EP400: variants seen among roughly 807,000 people sequenced by gnomAD.
The protein encoded by EP400 is E1A-binding protein p400.
Under a neutral mutation model 354.1 loss-of-function variants are expected in EP400, and 105 were observed. The ratio of observed to expected loss-of-function variants is 0.30; its 90% CI spans 0.25 to 0.35. EP400 has a LOEUF of 0.35. Among genes scored for constraint, EP400 ranks in the 10% least tolerant of loss-of-function variants. EP400 has a pLI of 1.00. For synonymous variants in EP400, 1,646 were observed against 1,716.9 expected (o/e 0.96, Z 1.02); for missense variants, 3,280 against 4,121.0 (o/e 0.80, Z 5.59).
In EP400 at chr12:132,013,912, G is replaced by C; in HGVS notation, c.3922G>C (p.Gly1308Arg). 1.2e-6 allele frequency: 2 copies of C among 1,614,168 alleles called. No individual in the cohort carries two copies. Among genetic ancestry groups the C allele is most frequent in the Non-Finnish European group, 1.7e-6 (2 of 1,179,982 alleles). ...ALYEDVILQP[G>R]TQEALKSGHF... ...ATACGAGGACGTTATCCTGCAACCTGGGTGAGTGTGGGCTCTGGGCATGTG... is the reference window on the plus strand; with the variant it reads ...ATACGAGGACGTTATCCTGCAACCTCGGTGAGTGTGGGCTCTGGGCATGTG... The change falls in exon 19 of 53, where the codon GGC (glycine) becomes CGC (arginine). Residue 1308 changes from glycine (G) to arginine (R), a missense_variant and splice_region_variant. Physicochemically the swap from Gly to Arg is moderately radical, Grantham distance 125. Transcript: ENST00000389561. This position sits in a 1 kb window ranked among gnomAD's most constrained non-coding sequence, Gnocchi z 4.5.
At position 132,032,162 on chromosome 12, in the gene EP400, G is replaced by A. The variant is rs919539075; in HGVS notation, c.5951+13G>A. 3 of 1,607,548 alleles carry A rather than the reference G, an allele frequency of 1.9e-6. No homozygotes were observed. Among genetic ancestry groups the A allele is most frequent in the Non-Finnish European group, 2.6e-6 (3 of 1,175,838 alleles). The stretch of plus-strand genomic sequence containing the variant: ...TCCACATATACAGGTGAGGGCCTGC[G>A]GGGGATAGGATCAGGAGATGCAAAG... On this transcript the variant is annotated intron_variant, in intron 30 of 52. Transcript: ENST00000389561.
In EP400 at chr12:132,027,831, T is replaced by G. The variant is rs902337569; in HGVS notation, c.5110-186T>G. Among the ~76,000 whole-genome samples the G allele has an allele frequency of 1.3e-5, 2 of 152,198 alleles. No individual in the cohort carries two copies. Among genetic ancestry groups the G allele is most frequent in the African/African-American group, 4.8e-5 (2 of 41,446 alleles). On this transcript the variant is annotated intron_variant, in intron 26 of 52. Transcript: ENST00000389561. The surrounding 1 kb of genome is among the most constrained non-coding windows in gnomAD (Gnocchi z 4.9). ...GAAGAGAACGCTTGTGCTCTCGGCT[T>G]CATTTCCATCTCTATTTCCTGTAGC...
chr12:132,034,522 G>A (rs1335234791), intron 30 of EP400, among the ~76,000 whole-genome samples: 2 of 152,376 alleles, frequency 1.3e-5, no homozygotes, highest in South Asian at 2.1e-4. Context: ...TGGACGTCCT[G>A]ATGAAGGCCG....
At chr12:131,992,904 T>A (rs1893087289) in intron 11 of EP400, among the ~76,000 whole-genome samples, 1 of 152,250 alleles carries the variant, frequency 6.6e-6, no homozygotes, top group Non-Finnish European at 1.5e-5. Flanking sequence ...TGGTGAAGTG[T>A]GTTAACTTTT....
intron 45 of EP400, among the ~76,000 whole-genome samples, chr12:132,059,765 C>T (rs1303195990): frequency 6.6e-6 from 1 of 152,024 alleles, no homozygotes. Context: ...CCTGTAATCC[C>T]AGCATCTTGG....
Position 131,994,735 on chromosome 12 carries a change from A to G in EP400, c.2738-132A>G. 6.2e-6 allele frequency: 4 copies of G among 647,484 alleles called. No individual in the cohort carries two copies. In the South Asian group the frequency reaches 8.8e-5, roughly 14 times the overall value. 40.1% of individuals were successfully genotyped at this position (647,484 alleles called of 1,614,324 possible). On this transcript the variant is annotated intron_variant, in intron 11 of 52. Transcript: ENST00000389561. The surrounding 1 kb of genome is among the most constrained non-coding windows in gnomAD (Gnocchi z 4.6). ...TGCCCATTTAATTAAATTTAACCTG[A>G]GAAGTTTAAAAGCTCAGTTTCAATT...
intron 23 of EP400, 151 bp downstream of exon 23, chr12:132,021,472 C>T (rs1176794277): frequency 3.3e-6 from 4 of 1,211,020 alleles, no homozygotes; most frequent in Non-Finnish European, 4.4e-6. Flanking sequence ...GTGCAGCTGC[C>T]TCCGGCATGA....
chr12:131,986,172 T>G lies in EP400; in HGVS notation c.1930-342T>G, dbSNP rs754869467. Among the ~76,000 whole-genome samples, 4 of 151,862 alleles carry G rather than the reference T, an allele frequency of 2.6e-5. No individual in the cohort carries two copies. The South Asian group carries it at 6.2e-4, about 24-fold the overall frequency. On this transcript the variant is annotated intron_variant, in intron 5 of 52. Coordinates refer to ENST00000389561, the MANE Select transcript of EP400 (RefSeq NM_015409.5). Reference sequence around the variant, plus strand: ...AAATTTTTTTGTAGAGATGGGGTCTTTCTTTGTCAAAGCCCAGGCTCATCT... The same window carrying G: ...AAATTTTTTTGTAGAGATGGGGTCTGTCTTTGTCAAAGCCCAGGCTCATCT...
At chr12:131,970,745 A>G (rs1040289884) in intron 2 of EP400, among the ~76,000 whole-genome samples, 1 of 152,212 alleles carries the variant, frequency 6.6e-6, no homozygotes, top group African/African-American at 2.4e-5. Flanking sequence ...TTATTGAGAT[A>G]TAATTGGCAA....
rs566611602 is a variant in EP400, at chr12:132,044,227, C to G, written c.6501C>G (p.Thr2167=). Residue 2167 remains threonine, a synonymous_variant, in exon 35 of 53, where the codon ACC becomes ACG. Transcript: ENST00000389561. The part of the protein sequence containing the change: ...VRAWEFWNLK[T]LQEREARLRL... ...CATGGGAGTTCTGGAACCTGAAGACCCTGCAGGAGAGGGAGGCCCGGCTGC... is the reference window on the plus strand; with the variant it reads ...CATGGGAGTTCTGGAACCTGAAGACGCTGCAGGAGAGGGAGGCCCGGCTGC... The G allele has an allele frequency of 1.2e-6, 2 of 1,614,202 alleles. No individual in the cohort carries two copies. The highest frequency in any genetic ancestry group is 1.7e-6 in the Non-Finnish European group (2 of 1,180,034).
At chr12:132,071,190 G>T (rs1428754939) in intron 51 of EP400, among the ~76,000 whole-genome samples, 1 of 151,540 alleles carries the variant, frequency 6.6e-6, no homozygotes, top group Non-Finnish European at 1.5e-5. Context: ...TCTTTGTTAC[G>T]GTGCTTTTTG....
intron 12 of EP400, among the ~76,000 whole-genome samples, chr12:131,998,151 G>C (rs1470718479): frequency 6.6e-6 from 1 of 152,164 alleles, no homozygotes; most frequent in Non-Finnish European, 1.5e-5. Flanking sequence ...ATTTGTACCA[G>C]TCTGTACTGA....
chr12:132,044,420 A>G (rs1371913222), intron 35 of EP400, 109 bp downstream of exon 35: 2 of 1,431,296 alleles, frequency 1.4e-6, no homozygotes, highest in Non-Finnish European at 1.9e-6. Context: ...GAAAATGCCT[A>G]GGAATTTTTA....
intron 48 of EP400, chr12:132,065,805 C>G (rs1252999163): frequency 1.3e-5 from 2 of 152,262 alleles, no homozygotes; most frequent in Admixed American, 1.3e-4. Context: ...AATGCAAATT[C>G]ACTGAGAAGG....
intron 19 of EP400, among the ~76,000 whole-genome samples, chr12:132,014,697 G>C (rs566991169): frequency 6.6e-6 from 1 of 152,164 alleles, no homozygotes; most frequent in East Asian, 1.9e-4. Context: ...CAGCCTCAGC[G>C]TCCCTCACAG....
chr12:131,981,546 C>G lies in EP400; in HGVS notation c.1493C>G (p.Pro498Arg), dbSNP rs1892681145. 1 of 1,601,956 alleles carries G rather than the reference C, an allele frequency of 6.2e-7. No homozygotes were observed. The highest frequency in any genetic ancestry group is 1.3e-5 in the African/African-American group (1 of 74,950). Residue 498 changes from proline to arginine, a missense_variant, in exon 4 of 53, where the codon CCA (proline) becomes CGA (arginine). By Grantham distance (103) the Pro-to-Arg change is moderately radical. Around this residue, in one of 20 missense-constraint regions of EP400, gnomAD observed 800 missense variants for 840.0 expected, o/e 0.95. Coordinates refer to ENST00000389561, the MANE Select transcript of EP400 (RefSeq NM_015409.5). Reference sequence around the variant, plus strand: ...CACCAAGGGGTAGTTTTCCAGCACCCAGGGGCGGACGCAGGCGTTCCTCTC... The same window carrying G: ...CACCAAGGGGTAGTTTTCCAGCACCGAGGGGCGGACGCAGGCGTTCCTCTC... Reference protein sequence around the residue: ...VGHQGVVFQHPGADAGVPLQQ... With the variant: ...VGHQGVVFQHRGADAGVPLQQ...
chr12:132,022,649 G>A (rs1894157231), intron 23 of EP400, among the ~76,000 whole-genome samples: 2 of 149,824 alleles, frequency 1.3e-5, no homozygotes, highest in Admixed American at 6.6e-5. Flanking sequence ...TTTAAGCAAC[G>A]CTAAGTTTTA....
chr12:131,976,353 C>T (rs1892471999), intron 2 of EP400, among the ~76,000 whole-genome samples: 1 of 151,992 alleles, frequency 6.6e-6, no homozygotes, highest in African/African-American at 2.4e-5. Flanking sequence ...ATGTAGAAAC[C>T]CTGGGTTCTG....
chr12:132,064,633 A>G (rs781396199), intron 47 of EP400, 35 bp from the exon 48 acceptor site: 26 of 1,600,218 alleles, frequency 1.6e-5, no homozygotes, highest in Non-Finnish European at 2.0e-5. Context: ...GAGCACAGTT[A>G]ATGTTGAAGA....
Sources: gnomAD v4.1 joint callset for allele counts (sites outside exome capture counted in the v4.1 genomes callset) on GRCh38, gnomAD v4.1.1 for gene constraint, gnomAD v4.1.1 regional missense constraint, Gnocchi (gnomAD v3.1) non-coding constraint, MANE v1.5 for transcripts, NCBI Gene and HGNC (gene_info 2026-07-23, HGNC 2026-07-21) for gene names.